The following DOCK7 variants were observed in gnomAD, a reference collection of about 807,000 sequenced individuals.
The protein encoded by DOCK7 is dedicator of cytokinesis 7, also known as dedicator of cytokinesis protein 7.
DOCK7 carries 138 observed loss-of-function variants against 271.0 expected under a neutral mutation model. The observed-to-expected ratio is 0.51, with a 90% CI of 0.44 to 0.59. The LOEUF (loss-of-function observed/expected upper bound fraction) is 0.59. Ranked by LOEUF, DOCK7 falls within the 20% of genes least tolerant of loss-of-function variation. The pLI is 0.00. For synonymous variants in DOCK7, 823 were observed against 876.1 expected, an observed-to-expected ratio of 0.94 and a Z score of 1.07; for missense variants, 2,066 against 2,592.4, an observed-to-expected ratio of 0.80 and a Z score of 4.41.
At chr1:62,496,694 T>TAC (rs1236990442) in intron 37 of DOCK7, among the ~76,000 whole-genome samples, 197 bp from the exon 38 acceptor site, 1 of 152,200 alleles carries the variant, frequency 6.6e-6, no homozygotes, top group Non-Finnish European at 1.5e-5. Flanking sequence ...AATAATGTGC[T>TAC]ACAAAACAGG....
intron 29 of DOCK7, among the ~76,000 whole-genome samples, chr1:62,534,002 A>C (rs1557678959): frequency 8.0e-6 from 1 of 125,516 alleles, no homozygotes; most frequent in African/African-American, 3.5e-5. Flanking sequence ...CAACACATCA[A>C]GCTTTTTTTT....
At chr1:62,548,215 CAA>C (rs1220668004) in intron 22 of DOCK7, among the ~76,000 whole-genome samples, 2 of 131,628 alleles carry the variant, frequency 1.5e-5, no homozygotes, top group Non-Finnish European at 3.3e-5. Context: ...AAATGTCAGA[CAA>C]AAAAAAAAAG....
intron 31 of DOCK7, among the ~76,000 whole-genome samples, chr1:62,516,081 CAAAG>C (rs1395165352): frequency 2.0e-5 from 3 of 151,612 alleles, no homozygotes; most frequent in African/African-American, 4.8e-5. Context: ...TAAATCTAGA[CAAAG>C]AAAGAACTTT....
At chr1:62,645,159 A>T (rs1178991686) in intron 7 of DOCK7, among the ~76,000 whole-genome samples, 1 of 152,208 alleles carries the variant, frequency 6.6e-6, no homozygotes. Context: ...TCCAAAAGTT[A>T]AACATGGAGT....
intron 16 of DOCK7, among the ~76,000 whole-genome samples, chr1:62,581,127 A>G (rs1246555331): frequency 6.6e-6 from 1 of 152,200 alleles, no homozygotes; most frequent in Non-Finnish European, 1.5e-5. Flanking sequence ...ATGTGCTTCA[A>G]AAACAGAGCT....
intron 43 of DOCK7, among the ~76,000 whole-genome samples, chr1:62,481,008 C>CAAAAAAAA (rs35993847): frequency 2.1e-5 from 2 of 94,648 alleles, no homozygotes; most frequent in East Asian, 3.3e-4. Context: ...GACTCCGTCT[C>CAAAAAAAA]AAAAAAAAAA....
At chr1:62,455,652 C>T (rs1197311518) in intron 49 of DOCK7, among the ~76,000 whole-genome samples, 196 bp from the exon 50 acceptor site, 1 of 152,164 alleles carries the variant, frequency 6.6e-6, no homozygotes, top group East Asian at 1.9e-4. Context: ...AAGTGTATTA[C>T]AGTCACCACT....
At chr1:62,671,908 T>C (rs1660053589) in intron 1 of DOCK7, among the ~76,000 whole-genome samples, 1 of 151,014 alleles carries the variant, frequency 6.6e-6, no homozygotes, top group African/African-American at 2.4e-5. Context: ...TTTCAAGCCC[T>C]ACTATTACAT....
chr1:62,582,721 C>T (rs946085547), intron 16 of DOCK7, among the ~76,000 whole-genome samples: 20 of 151,384 alleles, frequency 1.3e-4, no homozygotes, highest in African/African-American at 4.1e-4. Context: ...TTCAATAATC[C>T]CCCCAAAAGA....
chr1:62,456,616 C>A (rs1296316874), intron 49 of DOCK7, among the ~76,000 whole-genome samples: 1 of 152,092 alleles, frequency 6.6e-6, no homozygotes, highest in African/African-American at 2.4e-5. Context: ...AAAAGTAGAT[C>A]ATAGAGGACG....
At position 62,634,827 on chromosome 1, in the gene DOCK7, T is replaced by A. The variant is rs370004172; in HGVS notation, c.981A>T (p.Arg327Ser). The A allele has an allele frequency of 2.5e-6, 4 of 1,613,334 alleles. No homozygotes were observed. In the African/African-American group the frequency reaches 4.0e-5, roughly 16 times the overall value. The change falls in exon 9 of 50, where the codon AGA becomes AGT. Residue 327 changes from arginine to serine, a missense_variant. Around this residue, in one of 2 missense-constraint regions of DOCK7, gnomAD observed 1,414 missense variants for 1,670.4 expected, o/e 0.85. Coordinates refer to ENST00000635253, the MANE Select transcript of DOCK7 (RefSeq NM_001367561.1). ...GATAAGTGATAGAAAAAATTGCTGA[T>A]CTTGCCAGGGTAGTAATGGCAGCAG... is the stretch of plus-strand genomic sequence containing the variant. ...VPPAAITTLA[R>S]SAIFSITYPS...
chr1:62,620,635 CT>C, intron 12 of DOCK7, among the ~76,000 whole-genome samples: 1 of 151,790 alleles, frequency 6.6e-6, no homozygotes, highest in East Asian at 1.9e-4. Context: ...AATCCCAGCA[CT>C]TTGGGAGGCC....
intron 23 of DOCK7, 77 bp from the exon 24 acceptor site, chr1:62,543,822 T>C: frequency 7.8e-6 from 8 of 1,024,260 alleles, no homozygotes; most frequent in African/African-American, 1.6e-5. Flanking sequence ...ATGGATTATG[T>C]ACAAGTTTAA....
In DOCK7 at chr1:62,604,226, G is replaced by C. The variant is rs751132396; in HGVS notation, c.1682+14480C>G. 1.9e-6 allele frequency: 3 copies of C among 1,612,798 alleles called. No homozygotes were observed. The African/African-American group carries it at 4.0e-5, about 22-fold the overall frequency. ...AAAAGGACACTTCAACTGTCCAGAG[G>C]GTTATTCAGGTATCTTTTTCTGATA... On this transcript the variant is annotated intron_variant, in intron 14 of 49. Transcript: ENST00000635253.
intron 1 of DOCK7, among the ~76,000 whole-genome samples, chr1:62,681,021 C>A (rs1444728095): frequency 6.6e-6 from 1 of 152,162 alleles, no homozygotes; most frequent in Non-Finnish European, 1.5e-5. Context: ...TTGACCCAGC[C>A]ATCCCATTAC....
intron 4 of DOCK7, among the ~76,000 whole-genome samples, chr1:62,651,656 C>T (rs978507851): frequency 3.3e-5 from 5 of 151,864 alleles, no homozygotes; most frequent in Admixed American, 2.0e-4. Context: ...CCAAAGATAA[C>T]GAATTGATTT....
Position 62,513,457 on chromosome 1 carries a change from T to C in DOCK7, c.4269A>G (p.Ile1423Met), listed in dbSNP as rs148073731. The C allele has an allele frequency of 5.2e-5, 83 of 1,593,402 alleles. No homozygotes were observed. Among genetic ancestry groups the C allele is most frequent in the Middle Eastern group, 1.7e-4 (1 of 5,956 alleles). Residue 1423 changes from isoleucine (I) to methionine (M), a missense_variant, in exon 33 of 50, where the codon ATA (isoleucine) becomes ATG (methionine). Ile to Met is a conservative substitution (Grantham distance 10, BLOSUM62 1). Transcript: ENST00000635253. ...AGAAATTCTCACCAGGAGGAGAAGCTATTGTGTACGTACCGAGCTGTCCTC... is the reference window on the plus strand; with the variant it reads ...AGAAATTCTCACCAGGAGGAGAAGCCATTGTGTACGTACCGAGCTGTCCTC... ...RSRGQLGTYT[I>M]ASPPERSPSG...
rs143783479 is a variant in DOCK7 at position 62,600,841 on chromosome 1, C to T, written c.1683-14217G>A. On this transcript the variant is annotated intron_variant, in intron 14 of 49. Transcript: ENST00000635253. ...CTACTTTTGGCCTTGCTCTGTTTTC[C>T]GACCAATGTCTGCTTTTTTGCCTTG... Among the ~76,000 whole-genome samples the T allele has an allele frequency of 1.9e-3, 287 of 151,758 alleles. 2 individuals carry two copies. The highest frequency in any genetic ancestry group is 6.2e-3 in the African/African-American group (257 of 41,498).
At chr1:62,644,892 A>G (rs1426405498) in intron 7 of DOCK7, among the ~76,000 whole-genome samples, 1 of 152,170 alleles carries the variant, frequency 6.6e-6, no homozygotes, top group Non-Finnish European at 1.5e-5. Flanking sequence ...GAGACAAACA[A>G]AAGTTAAATA....
Sources: gnomAD v4.1 joint callset for allele counts (sites outside exome capture counted in the v4.1 genomes callset) on GRCh38, gnomAD v4.1.1 for gene constraint, gnomAD v4.1.1 regional missense constraint, MANE v1.5 for transcripts, NCBI Gene and HGNC (gene_info 2026-07-23, HGNC 2026-07-21) for gene names.